Variants in KIN observed in about 807,000 individuals in gnomAD.
The protein encoded by KIN is DNA/RNA-binding protein KIN17.
In KIN, 47 loss-of-function variants were observed where a neutral mutation model predicts 63.0. The ratio of observed to expected loss-of-function variants is 0.75; its 90% CI spans 0.59 to 0.95. The LOEUF (loss-of-function observed/expected upper bound fraction) is 0.95. KIN is among the 40% of genes least tolerant of loss of function. The pLI is 0.00. For missense variants in KIN, 408 were observed against 460.9 expected, an observed-to-expected ratio of 0.89 and a Z score of 1.05; for synonymous variants, 160 against 157.7, an observed-to-expected ratio of 1.01 and a Z score of -0.11.
At chr10:7,772,633 A>G (rs1835689363) in intron 7 of KIN, among the ~76,000 whole-genome samples, 1 of 152,242 alleles carries the variant, frequency 6.6e-6, no homozygotes, top group South Asian at 2.1e-4. Context: ...ATTATGTACC[A>G]TAATTTCAGA....
chr10:7,772,734 A>C (rs1835692187), intron 7 of KIN, among the ~76,000 whole-genome samples: 2 of 152,212 alleles, frequency 1.3e-5, no homozygotes, highest in South Asian at 4.1e-4. Context: ...CTCGGGTCAC[A>C]ACATATTAAC....
chr10:7,774,722 G>A, intron 7 of KIN, 109 bp downstream of exon 7: 11 of 869,240 alleles, frequency 1.3e-5, no homozygotes, highest in East Asian at 2.5e-5. Flanking sequence ...ACCAAAAACA[G>A]GTGAAAACTA....
In KIN at chr10:7,780,325, G is replaced by GA. The variant is rs1438672614; in HGVS notation, c.210-19dup. 4 of 1,583,472 alleles carry GA rather than the reference G, an allele frequency of 2.5e-6. No homozygotes were observed. In the African/African-American group the frequency reaches 5.5e-5, roughly 22 times the overall value. On this transcript the variant is annotated intron_variant, in intron 2 of 12. Transcript: ENST00000379562. ...GGAATTCCCTAATAAAGAAAGAAAGGAAAGCATTAAGGTAATTTCTACAAA... is the reference window on the plus strand; with the variant it reads ...GGAATTCCCTAATAAAGAAAGAAAGGAAAAGCATTAAGGTAATTTCTACAAA...
rs149270055 is a variant in KIN at position 7,753,970 on chromosome 10, T to A, written c.*2110A>T. ...ACCATACCTGTGTCTGACGTCAGCT[T>A]ATACCCATCCTCATGTTTGAAGTGA... On this transcript the variant is annotated 3_prime_UTR_variant, in exon 13 of 13. Coordinates refer to ENST00000379562, the MANE Select transcript of KIN (RefSeq NM_012311.4). The A allele has an allele frequency of 6.0e-3, 2,736 of 453,850 alleles. 18 individuals are homozygous for A. The highest frequency in any genetic ancestry group is 8.6e-3 in the Non-Finnish European group (1,937 of 225,730). 28.1% of individuals were successfully genotyped at this position (453,850 alleles called of 1,614,324 possible).
At chr10:7,772,795 T>G (rs1050309998) in intron 7 of KIN, among the ~76,000 whole-genome samples, 3 of 152,192 alleles carry the variant, frequency 2.0e-5, no homozygotes, top group African/African-American at 7.2e-5. Flanking sequence ...AAAACTAATA[T>G]TTTTGCTAAT....
At chr10:7,787,672 T>C in intron 1 of KIN, 148 bp downstream of exon 1, 1 of 650,882 alleles carries the variant, frequency 1.5e-6, no homozygotes, top group Non-Finnish European at 2.7e-6. Context: ...GTGCGCTGAG[T>C]AGTTGACTCG....
intron 5 of KIN, among the ~76,000 whole-genome samples, chr10:7,778,316 T>C (rs1835821520): frequency 6.6e-6 from 1 of 152,224 alleles, no homozygotes; most frequent in Non-Finnish European, 1.5e-5. Context: ...TATGCAATTA[T>C]ACAAGATTAT....
At position 7,786,786 on chromosome 10, in the gene KIN, T is replaced by A. The variant is rs537014420; in HGVS notation, c.114+1034A>T. ...TTTCTGTCATTTAAACCACCCAGTCTACTGCACTTTATATGGCAGTCCAAG... is the reference window on the plus strand; with the variant it reads ...TTTCTGTCATTTAAACCACCCAGTCAACTGCACTTTATATGGCAGTCCAAG... On this transcript the variant is annotated intron_variant, in intron 1 of 12. Transcript: ENST00000379562. Among the ~76,000 whole-genome samples, 843 of 152,330 alleles carry A rather than the reference T, an allele frequency of 5.5e-3. 8 individuals are homozygous for A. The highest frequency in any genetic ancestry group is 0.024 in the South Asian group (114 of 4,822).
At chr10:7,756,217 T>C in intron 12 of KIN, 75 bp from the exon 13 acceptor site, 2 of 823,946 alleles carry the variant, frequency 2.4e-6, no homozygotes, top group Admixed American at 3.1e-5. Flanking sequence ...ACCATACTTA[T>C]GGATACAAAT....
At chr10:7,773,348 G>A (rs924197137) in intron 7 of KIN, among the ~76,000 whole-genome samples, 3 of 152,116 alleles carry the variant, frequency 2.0e-5, no homozygotes, top group Non-Finnish European at 2.9e-5. Flanking sequence ...GGTCAATTGG[G>A]GAACACTGGA....
chr10:7,782,720 G>A (rs1337542944), intron 2 of KIN, among the ~76,000 whole-genome samples: 2 of 152,016 alleles, frequency 1.3e-5, no homozygotes, highest in East Asian at 3.9e-4. Flanking sequence ...TTAGAGATGA[G>A]GAGAATAAAC....
At chr10:7,766,323 C>T (rs1190950123) in intron 8 of KIN, 2 of 413,378 alleles carry the variant, frequency 4.8e-6, no homozygotes, top group African/African-American at 4.2e-5. Flanking sequence ...TATAATAAAG[C>T]AAGTCAACTG....
chr10:7,777,672 C>T (rs931544423), intron 5 of KIN, among the ~76,000 whole-genome samples: 5 of 151,784 alleles, frequency 3.3e-5, no homozygotes, highest in Non-Finnish European at 4.4e-5. Context: ...CCCAGAAGGG[C>T]GGATCACCTG....
chr10:7,753,108 G>A lies in KIN; in HGVS notation c.*2972C>T, dbSNP rs779305982. 5.9e-5 allele frequency: 9 copies of A among 152,164 alleles called. No individual in the cohort carries two copies. Among genetic ancestry groups the A allele is most frequent in the Non-Finnish European group, 1.2e-4 (8 of 68,038 alleles). The allele number at this position is 152,164 out of a possible 1,614,324, so 9.4% of individuals were successfully genotyped here. On this transcript the variant is annotated 3_prime_UTR_variant, in exon 13 of 13. Transcript: ENST00000379562. ...TACTTCAAAAATCAAAGTCTAATAT[G>A]AGACCTGTTGTTAGTTATCTGCAGT...
chr10:7,769,023 AT>A (rs1415277184), intron 8 of KIN, among the ~76,000 whole-genome samples, 192 bp downstream of exon 8: 1 of 152,182 alleles, frequency 6.6e-6, no homozygotes, highest in Non-Finnish European at 1.5e-5. Context: ...TCTCAAAAAA[AT>A]AAAAAACAAA....
chr10:7,772,513 G>C (rs1211459769), intron 7 of KIN, among the ~76,000 whole-genome samples: 1 of 152,166 alleles, frequency 6.6e-6, no homozygotes, highest in African/African-American at 2.4e-5. Context: ...GCTCATTTTT[G>C]TGCCTCAACA....
Position 7,752,180 on chromosome 10 carries a change from A to G in KIN, c.*3900T>C, listed in dbSNP as rs2130974791. On this transcript the variant is annotated 3_prime_UTR_variant, in exon 13 of 13. Coordinates refer to ENST00000379562, the MANE Select transcript of KIN (RefSeq NM_012311.4). ...AAAATACTTGCAAAAGACACATTCG[A>G]TAAAGAACACAACTGAAATATACAA... 1 of 152,358 alleles carries G rather than the reference A, an allele frequency of 6.6e-6. No individual in the cohort carries two copies. The highest frequency in any genetic ancestry group is 1.9e-4 in the East Asian group (1 of 5,192). 9.4% of individuals were successfully genotyped at this position (152,358 alleles called of 1,614,324 possible). A position where few individuals can be genotyped will look rare whatever the true frequency, so the allele number is the denominator to read the frequency against.
Position 7,755,767 on chromosome 10 carries a change from C to T in KIN, c.*313G>A. On this transcript the variant is annotated 3_prime_UTR_variant, in exon 13 of 13. Coordinates refer to ENST00000379562, the MANE Select transcript of KIN (RefSeq NM_012311.4). ...AAATATAGAGTGTATGAAGGATTTC[C>T]TCCAATTACATGATTCTAAATTGTC... is the stretch of plus-strand genomic sequence containing the variant. 1 of 182,090 alleles carries T rather than the reference C, an allele frequency of 5.5e-6. No individual in the cohort carries two copies. Among genetic ancestry groups the T allele is most frequent in the Non-Finnish European group, 1.1e-5 (1 of 88,198 alleles). The allele number at this position is 182,090 out of a possible 1,614,324, so 11.3% of individuals were successfully genotyped here.
chr10:7,756,981 C>T (rs917491231), intron 12 of KIN, among the ~76,000 whole-genome samples: 23 of 152,132 alleles, frequency 1.5e-4, no homozygotes, highest in African/African-American at 5.3e-4. Flanking sequence ...ACCTACACTC[C>T]CCAAGTTCAA....
Sources: allele counts gnomAD v4.1 joint callset (sites outside exome capture counted in the v4.1 genomes callset), GRCh38; gene constraint gnomAD v4.1.1; transcripts MANE v1.5; gene names NCBI Gene and HGNC (gene_info 2026-07-23, HGNC 2026-07-21).